Variants in TCEA1 observed in about 807,000 individuals in gnomAD.
TCEA1 encodes the protein transcription elongation factor A protein 1.
TCEA1 carries 21 observed loss-of-function variants against 43.8 expected under a neutral mutation model. That is an observed-to-expected ratio of 0.48 (90% CI 0.34 to 0.69). The LOEUF is 0.69. Among genes scored for constraint, TCEA1 ranks in the 30% least tolerant of loss-of-function variants. TCEA1 has a pLI of 0.01. For synonymous variants in TCEA1, 104 were observed against 117.5 expected, an observed-to-expected ratio of 0.88 and a Z score of 0.75; for missense variants, 250 against 365.1, an observed-to-expected ratio of 0.68 and a Z score of 2.57.
intron 7 of TCEA1, among the ~76,000 whole-genome samples, chr8:53,982,195 T>C (rs1803532392): frequency 6.6e-6 from 1 of 152,082 alleles, no homozygotes; most frequent in Non-Finnish European, 1.5e-5. Context: ...CTAGATGCCA[T>C]TAGGAACATT....
At chr8:53,973,341 G>T in intron 8 of TCEA1, 2 of 523,094 alleles carry the variant, frequency 3.8e-6, no homozygotes, top group South Asian at 3.3e-5. Context: ...AGGATAAACT[G>T]ACCCCTTGGG....
chr8:53,996,519 A>G (rs898297794), intron 3 of TCEA1, among the ~76,000 whole-genome samples: 4 of 152,250 alleles, frequency 2.6e-5, no homozygotes, highest in Non-Finnish European at 5.9e-5. Context: ...TAGTAGCAGT[A>G]GTAGTAAATG....
At chr8:54,003,065 C>T in intron 2 of TCEA1, 1 of 456,080 alleles carries the variant, frequency 2.2e-6, no homozygotes, top group Non-Finnish European at 4.4e-6. Context: ...GAGTTTTTGC[C>T]AAGATGATCT....
At chr8:53,978,706 G>GTT in intron 8 of TCEA1, 1 of 211,942 alleles carries the variant, frequency 4.7e-6, no homozygotes, top group Non-Finnish European at 9.7e-6. Flanking sequence ...CACTGTGAGA[G>GTT]ACAGAAAGAC....
chr8:53,993,340 G>A (rs190472805), intron 4 of TCEA1: 1 of 170,172 alleles, frequency 5.9e-6, no homozygotes, highest in East Asian at 1.6e-4. Flanking sequence ...AAAAAAAAAT[G>A]TGGTAAATAG....
At chr8:53,968,137 G>A (rs946826342) in intron 9 of TCEA1, 25 bp from the exon 10 acceptor site, 28 of 1,511,772 alleles carry the variant, frequency 1.9e-5, no homozygotes, top group Non-Finnish European at 2.3e-5. Context: ...AAAATATTTT[G>A]TAAGACCTTT....
intron 1 of TCEA1, among the ~76,000 whole-genome samples, chr8:54,013,535 G>A (rs971972382): frequency 4.6e-5 from 7 of 151,484 alleles, no homozygotes; most frequent in South Asian, 2.1e-4. Context: ...AAAAATTAGC[G>A]GGGCGTGGTG....
chr8:53,999,018 GGT>G (rs1804160191), intron 3 of TCEA1, among the ~76,000 whole-genome samples: 2 of 152,084 alleles, frequency 1.3e-5, no homozygotes, highest in Admixed American at 1.3e-4. Flanking sequence ...CACAAGGTCA[GGT>G]GATCGAGACC....
chr8:53,998,890 C>T (rs550976979), intron 3 of TCEA1, among the ~76,000 whole-genome samples: 2 of 152,228 alleles, frequency 1.3e-5, no homozygotes, highest in African/African-American at 4.8e-5. Flanking sequence ...ATGTCAATTT[C>T]ATAAAAGATA....
intron 8 of TCEA1, chr8:53,972,908 A>G: frequency 1.5e-6 from 1 of 681,030 alleles, no homozygotes; most frequent in African/African-American, 1.8e-5. Context: ...CGAAGGACGT[A>G]GCCTCAGAGG....
In TCEA1 at chr8:54,022,276, C is replaced by CGAG. The variant is rs543785183; in HGVS notation, c.-152_-151insCTC. The CGAG allele has an allele frequency of 2.3e-6, 2 of 883,738 alleles. No homozygotes were observed. The highest frequency in any genetic ancestry group is 1.7e-6 in the Non-Finnish European group (1 of 590,568). The allele number at this position is 883,738 out of a possible 1,614,324, so 54.7% of individuals were successfully genotyped here. The stretch of plus-strand genomic sequence containing the variant: ...GGCCCCCTTCCTTACGAACGAAGCC[C>CGAG]GCGGCGGCGGCGGCGGCGGCGGCGG... On this transcript the variant is annotated 5_prime_UTR_variant, in exon 1 of 10. Coordinates refer to ENST00000521604, the MANE Select transcript of TCEA1 (RefSeq NM_006756.4).
At chr8:54,015,085 A>G (rs1804779996) in intron 1 of TCEA1, among the ~76,000 whole-genome samples, 2 of 152,170 alleles carry the variant, frequency 1.3e-5, no homozygotes, top group South Asian at 4.2e-4. Flanking sequence ...ATTTAAGCTC[A>G]ATCAAGTAAA....
At chr8:53,991,106 C>T (rs769522851) in intron 4 of TCEA1, among the ~76,000 whole-genome samples, 4 of 152,014 alleles carry the variant, frequency 2.6e-5, no homozygotes, top group Admixed American at 2.6e-4. Flanking sequence ...TAAAAGACAA[C>T]GAGAGGCCAG....
chr8:53,980,350 G>C (rs1803465289), intron 7 of TCEA1, among the ~76,000 whole-genome samples: 1 of 152,120 alleles, frequency 6.6e-6, no homozygotes, highest in Non-Finnish European at 1.5e-5. Flanking sequence ...CTGCGCTATT[G>C]TGCTTCATTT....
intron 8 of TCEA1, 198 bp downstream of exon 8, chr8:53,978,827 A>G (rs1803419697): frequency 7.8e-6 from 4 of 509,700 alleles, no homozygotes; most frequent in Admixed American, 6.5e-5. Flanking sequence ...TTATCAGTAC[A>G]TATGTATCGG....
intron 4 of TCEA1, 89 bp downstream of exon 4, chr8:53,993,579 T>C (rs1272884749): frequency 2.0e-6 from 2 of 976,884 alleles, no homozygotes; most frequent in Non-Finnish European, 3.0e-6. Flanking sequence ...AAAAAAGGAG[T>C]GTAAATAGGG....
intron 1 of TCEA1, among the ~76,000 whole-genome samples, chr8:54,015,873 T>C (rs954329492): frequency 1.3e-5 from 2 of 152,166 alleles, no homozygotes; most frequent in Non-Finnish European, 1.5e-5. Context: ...AGGATCTGAA[T>C]AGACATTTAT....
intron 3 of TCEA1, among the ~76,000 whole-genome samples, chr8:53,998,043 A>G (rs563490338): frequency 6.6e-6 from 1 of 152,370 alleles, no homozygotes; most frequent in African/African-American, 2.4e-5. Context: ...TGCATATTGT[A>G]TAACATATCC....
chr8:53,985,308 C>T (rs950443913), intron 6 of TCEA1, among the ~76,000 whole-genome samples: 7 of 152,172 alleles, frequency 4.6e-5, no homozygotes, highest in Admixed American at 4.6e-4. Context: ...TGAGCCACCG[C>T]GCCCGGCCTA....
Sources: gnomAD v4.1 joint callset for allele counts (sites outside exome capture counted in the v4.1 genomes callset) on GRCh38, gnomAD v4.1.1 for gene constraint, MANE v1.5 for transcripts, NCBI Gene and HGNC (gene_info 2026-07-23, HGNC 2026-07-21) for gene names.